ARHGAP21: variants seen among roughly 807,000 people sequenced by gnomAD.
The protein encoded by ARHGAP21 is Rho GTPase activating protein 21.
A neutral mutation model predicts 164.6 loss-of-function variants in ARHGAP21; 38 were observed. The ratio of observed to expected loss-of-function variants is 0.23; its 90% CI spans 0.18 to 0.30. The LOEUF is 0.30. ARHGAP21 is among the 10% of genes least tolerant of loss of function. The pLI is 1.00. For missense variants in ARHGAP21, 1,822 were observed against 2,370.7 expected (o/e 0.77, Z 4.81); for synonymous variants, 766 against 857.9 (o/e 0.89, Z 1.87).
intron 24 of ARHGAP21, chr10:24,589,664 A>G (rs969509300): frequency 4.9e-6 from 1 of 205,028 alleles, no homozygotes; most frequent in African/African-American, 2.4e-5. Flanking sequence ...CACATCCTGT[A>G]TCTGAGACTG....
Position 24,600,682 on chromosome 10 carries a change from G to C in ARHGAP21, c.3096C>G (p.Ile1032Met), listed in dbSNP as rs748719820. ...GGTTGCTGCTCTCCTGGATCGTCTT[G>C]ATCCAAGCTAGCATATCATCTCTGT... is the stretch of plus-strand genomic sequence containing the variant. Reference protein sequence around the residue: ...AEDRDDMLAWIKTIQESSNLN... With the variant: ...AEDRDDMLAWMKTIQESSNLN... The change falls in exon 14 of 26, where the codon ATC becomes ATG. Residue 1032 changes from isoleucine to methionine, a missense_variant. Around this residue, in one of 5 missense-constraint regions of ARHGAP21, gnomAD observed 1,090 missense variants for 1,378.9 expected, o/e 0.79. Transcript: ENST00000396432. The C allele has an allele frequency of 6.2e-7, 1 of 1,613,902 alleles. No individual in the cohort carries two copies. Among genetic ancestry groups the C allele is most frequent in the South Asian group, 1.1e-5 (1 of 91,064 alleles).
intron 2 of ARHGAP21, among the ~76,000 whole-genome samples, chr10:24,698,457 T>C (rs915661173): frequency 6.6e-6 from 1 of 152,170 alleles, no homozygotes; most frequent in African/African-American, 2.4e-5. Flanking sequence ...AGGTAGTATT[T>C]TTAAGTGCTT....
chr10:24,658,080 T>C (rs1018698042), intron 4 of ARHGAP21, among the ~76,000 whole-genome samples: 13 of 148,610 alleles, frequency 8.7e-5, no homozygotes, highest in Non-Finnish European at 1.9e-4. Context: ...AAAATGCTCA[T>C]CATCACTGAC....
At chr10:24,676,002 G>T (rs768628760) in intron 2 of ARHGAP21, among the ~76,000 whole-genome samples, 2 of 152,060 alleles carry the variant, frequency 1.3e-5, no homozygotes, top group Admixed American at 6.5e-5. Flanking sequence ...ACAAAAATTA[G>T]CTGAGTGCAA....
At chr10:24,710,130 A>AT (rs1844638230) in intron 2 of ARHGAP21, among the ~76,000 whole-genome samples, 1 of 152,086 alleles carries the variant, frequency 6.6e-6, no homozygotes, top group South Asian at 2.1e-4. Context: ...TCACTTCTAT[A>AT]TTTTTCCCTT....
chr10:24,686,719 G>A (rs1311736600), intron 2 of ARHGAP21, among the ~76,000 whole-genome samples: 2 of 152,126 alleles, frequency 1.3e-5, no homozygotes, highest in South Asian at 2.1e-4. Context: ...GAACATGCAC[G>A]CAAGCAGTTG....
In ARHGAP21 at chr10:24,636,518, G is replaced by A. The variant is rs573791340; in HGVS notation, c.269-1415C>T. Among the ~76,000 whole-genome samples the A allele has an allele frequency of 1.1e-4, 16 of 152,302 alleles. No individual in the cohort carries two copies. In the South Asian group the frequency reaches 1.9e-3, roughly 18 times the overall value. ...GGCATATACATGTGTTGAGTAACAT[G>A]ATACTACTTGTTAAACAGCAATACT... On this transcript the variant is annotated intron_variant, in intron 4 of 25. Coordinates refer to ENST00000396432, the MANE Select transcript of ARHGAP21 (RefSeq NM_020824.4).
chr10:24,722,394 T>C (rs200728628), intron 1 of ARHGAP21, 115 bp from the exon 2 acceptor site: 1 of 153,870 alleles, frequency 6.5e-6, no homozygotes, highest in Non-Finnish European at 1.4e-5. Context: ...CAAAAAAAAA[T>C]TTTAACGTAA....
intron 2 of ARHGAP21, among the ~76,000 whole-genome samples, chr10:24,682,322 T>C (rs1402730766): frequency 6.6e-6 from 1 of 152,214 alleles, no homozygotes; most frequent in Non-Finnish European, 1.5e-5. Context: ...CTGTGAGGAA[T>C]TTGTCAAAAA....
intron 2 of ARHGAP21, among the ~76,000 whole-genome samples, chr10:24,677,223 A>C (rs1841342587): frequency 6.6e-6 from 1 of 152,200 alleles, no homozygotes; most frequent in African/African-American, 2.4e-5. Context: ...CCGACTCTAA[A>C]TAAATAAATA....
Position 24,633,449 on chromosome 10 carries a change from A to G in ARHGAP21, c.393T>C (p.Ser131=). ...GDRIIKVNGE[S]VIGKTYSQVI... ...CTTGGGAATAGGTTTTGCCAATAAC[A>G]CTTTCTCCATTGACTTTTATAATTC... Residue 131 remains serine (S), a synonymous_variant, in exon 6 of 26, where the codon AGT becomes AGC. Coordinates refer to ENST00000396432, the MANE Select transcript of ARHGAP21 (RefSeq NM_020824.4). 6.2e-7 allele frequency: 1 copy of G among 1,611,802 alleles called. No homozygotes were observed. Among genetic ancestry groups the G allele is most frequent in the Non-Finnish European group, 8.5e-7 (1 of 1,178,982 alleles).
At chr10:24,592,756 A>C (rs534321610) in intron 21 of ARHGAP21, among the ~76,000 whole-genome samples, 25 of 151,160 alleles carry the variant, frequency 1.7e-4, no homozygotes, top group South Asian at 8.3e-4. Context: ...GAAAAAAAAA[A>C]CAAAAAACTC....
At chr10:24,678,846 A>G (rs1488412717) in intron 2 of ARHGAP21, among the ~76,000 whole-genome samples, 4 of 152,196 alleles carry the variant, frequency 2.6e-5, no homozygotes, top group Non-Finnish European at 4.4e-5. Flanking sequence ...ATGTTATGCA[A>G]ATAGAATCAT....
intron 9 of ARHGAP21, among the ~76,000 whole-genome samples, chr10:24,610,292 G>A (rs530187669): frequency 5.9e-5 from 9 of 151,466 alleles, no homozygotes; most frequent in African/African-American, 2.2e-4. Context: ...CAGGAGAATC[G>A]CTTGAACCCG....
chr10:24,631,578 G>A (rs1377992578), intron 6 of ARHGAP21, among the ~76,000 whole-genome samples: 1 of 152,090 alleles, frequency 6.6e-6, no homozygotes, highest in Middle Eastern at 3.2e-3. Context: ...TTTCATAAAT[G>A]CTCAGATTAT....
intron 17 of ARHGAP21, chr10:24,596,404 T>G: frequency 2.1e-6 from 1 of 469,676 alleles, no homozygotes; most frequent in Non-Finnish European, 3.7e-6. Flanking sequence ...GTTTTAAATA[T>G]ATGCACATAC....
chr10:24,672,048 C>T (rs891894210), intron 2 of ARHGAP21, among the ~76,000 whole-genome samples: 2 of 151,760 alleles, frequency 1.3e-5, no homozygotes, highest in African/African-American at 4.8e-5. Flanking sequence ...CTCTTGATCA[C>T]ACACAACCCT....
intron 2 of ARHGAP21, among the ~76,000 whole-genome samples, chr10:24,717,336 T>C (rs969439371): frequency 6.6e-6 from 1 of 152,208 alleles, no homozygotes; most frequent in African/African-American, 2.4e-5. Context: ...CACCTGACAC[T>C]TACTATGTGT....
intron 4 of ARHGAP21, among the ~76,000 whole-genome samples, chr10:24,643,238 A>G (rs929205396): frequency 1.7e-4 from 26 of 152,220 alleles, no homozygotes; most frequent in African/African-American, 4.3e-4. Flanking sequence ...TCTGCCTTCT[A>G]AAGTATTTAA....
Sources: allele counts gnomAD v4.1 joint callset (sites outside exome capture counted in the v4.1 genomes callset), GRCh38; gene constraint gnomAD v4.1.1; regional missense constraint gnomAD v4.1.1; transcripts MANE v1.5; gene names NCBI Gene and HGNC (gene_info 2026-07-23, HGNC 2026-07-21).